GLCE: variants seen among roughly 807,000 people sequenced by gnomAD.
GLCE encodes glucuronic acid epimerase.
A neutral mutation model predicts 47.9 loss-of-function variants in GLCE; 19 were observed. The ratio of observed to expected loss-of-function variants is 0.40; its 90% CI spans 0.28 to 0.58. The LOEUF is 0.58. GLCE is among the 20% of genes least tolerant of loss of function. GLCE has a pLI of 0.48. For synonymous variants in GLCE, 245 were observed against 263.4 expected (o/e 0.93, Z 0.68); for missense variants, 556 against 743.3 (o/e 0.75, Z 2.93).
In GLCE at chr15:69,270,707, C is replaced by A. The variant is rs2140463385; in HGVS notation, c.*1463C>A. 6.6e-6 allele frequency: 1 copy of A among 152,224 alleles called. No individual in the cohort carries two copies. Among genetic ancestry groups the A allele is most frequent in the Non-Finnish European group, 1.5e-5 (1 of 68,016 alleles). The allele number at this position is 152,224 out of a possible 1,614,324, so 9.4% of individuals were successfully genotyped here. ...ATTGAATTCAAACTATCAAGCACTA[C>A]TTAGAAACTGGAAAACATATATATG... On this transcript the variant is annotated 3_prime_UTR_variant, in exon 5 of 5. Transcript: ENST00000261858.
chr15:69,172,086 A>G (rs1190873779), intron 1 of GLCE, among the ~76,000 whole-genome samples: 1 of 152,206 alleles, frequency 6.6e-6, no homozygotes, highest in African/African-American at 2.4e-5. Context: ...TAATCATGTT[A>G]TATTGATCAA....
At chr15:69,179,469 C>T (rs1188485468) in intron 1 of GLCE, among the ~76,000 whole-genome samples, 3 of 152,144 alleles carry the variant, frequency 2.0e-5, no homozygotes, top group Non-Finnish European at 4.4e-5. Flanking sequence ...ACCAGTTTTA[C>T]AGGCACTCAT....
intron 1 of GLCE, among the ~76,000 whole-genome samples, chr15:69,207,238 C>T (rs1278566852): frequency 6.6e-6 from 1 of 152,040 alleles, no homozygotes; most frequent in Non-Finnish European, 1.5e-5. Flanking sequence ...TTAAAATTCC[C>T]CCAGCATCTT....
At chr15:69,195,507 T>TAG in intron 1 of GLCE, among the ~76,000 whole-genome samples, 1 of 152,138 alleles carries the variant, frequency 6.6e-6, no homozygotes, top group Admixed American at 6.6e-5. Context: ...CTTTCACCTC[T>TAG]AGACTTTGAA....
chr15:69,265,031 GTTTGATGTAGTCCCA>G (rs2053066145), intron 4 of GLCE, among the ~76,000 whole-genome samples: 1 of 151,932 alleles, frequency 6.6e-6, no homozygotes, highest in Non-Finnish European at 1.5e-5. Flanking sequence ...AAGCTTTTTA[GTTTGATGTAGTCCCA>G]CTTGTTTTTC....
chr15:69,257,439 A>G (rs1031397726), intron 3 of GLCE, among the ~76,000 whole-genome samples: 7 of 152,124 alleles, frequency 4.6e-5, no homozygotes, highest in Admixed American at 4.6e-4. Flanking sequence ...CCCAGGCTCA[A>G]GTGATCCTCC....
intron 2 of GLCE, among the ~76,000 whole-genome samples, chr15:69,243,728 C>T (rs1183150926): frequency 7.0e-6 from 1 of 143,236 alleles, no homozygotes; most frequent in Non-Finnish European, 1.5e-5. Context: ...AAAGTTAAAG[C>T]TTTTTATTCC....
chr15:69,268,151 G>A, intron 4 of GLCE, 69 bp from the exon 5 acceptor site: 2 of 924,382 alleles, frequency 2.2e-6, no homozygotes, highest in South Asian at 3.6e-5. Context: ...AGGATGAATT[G>A]CAATTCAATT....
chr15:69,246,990 G>C (rs1281163760), intron 2 of GLCE, among the ~76,000 whole-genome samples: 1 of 152,186 alleles, frequency 6.6e-6, no homozygotes. Context: ...TCCATTTATA[G>C]AGTGCAGGAA....
intron 2 of GLCE, among the ~76,000 whole-genome samples, chr15:69,218,974 T>C (rs1230095015): frequency 1.3e-5 from 2 of 152,162 alleles, no homozygotes; most frequent in African/African-American, 2.4e-5. Flanking sequence ...CTGCAAATAA[T>C]ACTTTTAAAC....
At chr15:69,236,941 T>C (rs1208726865) in intron 2 of GLCE, among the ~76,000 whole-genome samples, 1 of 152,176 alleles carries the variant, frequency 6.6e-6, no homozygotes, top group African/African-American at 2.4e-5. Flanking sequence ...TCTACCCCCC[T>C]TTTTATAAAG....
intron 1 of GLCE, among the ~76,000 whole-genome samples, chr15:69,188,451 T>C (rs1346476443): frequency 1.3e-5 from 2 of 152,252 alleles, no homozygotes; most frequent in Non-Finnish European, 1.5e-5. Flanking sequence ...TTCTCTCTTC[T>C]TCAATTTTCT....
rs1391272313 is a variant in GLCE at position 69,240,308 on chromosome 15, A to T, written c.-13-15486A>T. On this transcript the variant is annotated intron_variant, in intron 2 of 4. Transcript: ENST00000261858. ...CAAAAAAAAAAAAAAAAAAAAAAAA[A>T]AAGAAAAGAAATATTGAGGAGACAG... 2.0e-4 allele frequency among the ~76,000 whole-genome samples: 11 copies of T among 55,826 alleles called. No individual in the cohort carries two copies. In the Admixed American group the frequency reaches 2.3e-3, roughly 12 times the overall value. The allele number at this position is 55,826 out of a possible 152,430, so 36.6% of individuals were successfully genotyped here.
chr15:69,244,894 C>T (rs963840622), intron 2 of GLCE, among the ~76,000 whole-genome samples: 1 of 152,164 alleles, frequency 6.6e-6, no homozygotes, highest in African/African-American at 2.4e-5. Context: ...ATTGGAGATA[C>T]TGCAGATTCA....
chr15:69,201,067 T>G (rs771083369), intron 1 of GLCE, among the ~76,000 whole-genome samples: 41 of 152,110 alleles, frequency 2.7e-4, no homozygotes, highest in Middle Eastern at 3.2e-3. Flanking sequence ...CTTCCAGTAT[T>G]TCCTTCTCCT....
At chr15:69,235,551 A>G (rs1466037992) in intron 2 of GLCE, among the ~76,000 whole-genome samples, 1 of 152,204 alleles carries the variant, frequency 6.6e-6, no homozygotes, top group Non-Finnish European at 1.5e-5. Flanking sequence ...TAAAGCAGAA[A>G]GTATGATATC....
intron 4 of GLCE, 49 bp downstream of exon 4, chr15:69,261,378 ACCCTGATAGT>A: frequency 6.4e-7 from 1 of 1,568,896 alleles, no homozygotes; most frequent in Non-Finnish European, 8.7e-7. Flanking sequence ...GATTTATGGG[ACCCTGATAGT>A]CCCTTAAAAT....
chr15:69,246,580 G>A (rs1046153065), intron 2 of GLCE, among the ~76,000 whole-genome samples: 1 of 152,054 alleles, frequency 6.6e-6, no homozygotes, highest in Admixed American at 6.6e-5. Flanking sequence ...GCCAGCCATG[G>A]TGGCACATGC....
chr15:69,176,000 G>A (rs1378624279), intron 1 of GLCE, among the ~76,000 whole-genome samples: 1 of 152,038 alleles, frequency 6.6e-6, no homozygotes, highest in African/African-American at 2.4e-5. Flanking sequence ...ATCTTACATT[G>A]TACTTTGTCA....
Sources: gnomAD v4.1 joint callset for allele counts (sites outside exome capture counted in the v4.1 genomes callset) on GRCh38, gnomAD v4.1.1 for gene constraint, MANE v1.5 for transcripts, NCBI Gene and HGNC (gene_info 2026-07-23, HGNC 2026-07-21) for gene names.